MAMDC2: variants seen among roughly 807,000 people sequenced by gnomAD.
The protein encoded by MAMDC2 is MAM domain-containing protein 2.
MAMDC2 carries 57 observed loss-of-function variants against 89.8 expected under a neutral mutation model. The observed-to-expected ratio is 0.63, with a 90% CI of 0.51 to 0.79. MAMDC2 has a LOEUF of 0.79. Ranked by LOEUF, MAMDC2 falls within the 30% of genes least tolerant of loss-of-function variation. MAMDC2 has a pLI of 0.00. For missense variants in MAMDC2, 800 were observed against 820.6 expected (o/e 0.97, Z 0.31); for synonymous variants, 313 against 293.4 (o/e 1.07, Z -0.68).
At chr9:70,097,095 ACT>A (rs1348763313) in intron 2 of MAMDC2, among the ~76,000 whole-genome samples, 3 of 151,962 alleles carry the variant, frequency 2.0e-5, no homozygotes, top group African/African-American at 4.8e-5. Flanking sequence ...CAATAGTGAC[ACT>A]CTATTCAGGG....
At chr9:70,113,461 T>C (rs1828564000) in intron 5 of MAMDC2, among the ~76,000 whole-genome samples, 1 of 152,216 alleles carries the variant, frequency 6.6e-6, no homozygotes, top group Non-Finnish European at 1.5e-5. Context: ...ATATTTCTCA[T>C]TTCTAAAGAC....
At chr9:70,204,813 G>A (rs1290120788) in intron 11 of MAMDC2, among the ~76,000 whole-genome samples, 2 of 152,166 alleles carry the variant, frequency 1.3e-5, no homozygotes, top group African/African-American at 2.4e-5. Context: ...GGAGTGACCC[G>A]ATTTTCCAGG....
intron 2 of MAMDC2, among the ~76,000 whole-genome samples, chr9:70,079,929 A>C (rs960738953): frequency 2.0e-5 from 3 of 152,166 alleles, no homozygotes; most frequent in Non-Finnish European, 4.4e-5. Flanking sequence ...GTCTGCAAAC[A>C]GAGCTTCTTG....
In MAMDC2 at chr9:70,131,534, G is replaced by A; in HGVS notation, c.916G>A (p.Ala306Thr). 6.3e-7 allele frequency: 1 copy of A among 1,599,216 alleles called. No homozygotes were observed. Among genetic ancestry groups the A allele is most frequent in the Non-Finnish European group, 8.5e-7 (1 of 1,176,368 alleles). Residue 306 changes from alanine to threonine, a missense_variant, in exon 7 of 14, where the codon GCT becomes ACT. Ala to Thr is a moderately conservative substitution (Grantham distance 58). Coordinates refer to ENST00000377182, the MANE Select transcript of MAMDC2 (RefSeq NM_153267.5). ...PYPMEVIFEV[A>T]FNGPKGGYVA... is the part of the protein sequence containing the mutation. ...TCCTCTGCAGGTTATTTTTGAAGTT[G>A]CTTTCAATGGTCCCAAGGGAGGTTA...
At chr9:70,214,333 G>C (rs566243172) in intron 11 of MAMDC2, among the ~76,000 whole-genome samples, 4 of 152,154 alleles carry the variant, frequency 2.6e-5, no homozygotes, top group Non-Finnish European at 5.9e-5. Flanking sequence ...AGAATATCTA[G>C]AGGAAGAACC....
intron 9 of MAMDC2, among the ~76,000 whole-genome samples, chr9:70,167,129 A>G (rs1004032802): frequency 1.3e-5 from 2 of 152,202 alleles, no homozygotes; most frequent in African/African-American, 4.8e-5. Flanking sequence ...TAACAGAAGT[A>G]AACGAGAAAA....
At chr9:70,200,242 AG>A in intron 11 of MAMDC2, among the ~76,000 whole-genome samples, 2 of 151,656 alleles carry the variant, frequency 1.3e-5, no homozygotes, top group South Asian at 2.1e-4. Flanking sequence ...GGTGTAAGGA[AG>A]GGATCCAGTT....
At chr9:70,095,698 T>C (rs1226062130) in intron 2 of MAMDC2, among the ~76,000 whole-genome samples, 1 of 152,186 alleles carries the variant, frequency 6.6e-6, no homozygotes, top group Admixed American at 6.5e-5. Flanking sequence ...GACTTGGGAA[T>C]TACCTCTGTA....
intron 2 of MAMDC2, among the ~76,000 whole-genome samples, chr9:70,052,105 A>G (rs1404788450): frequency 1.3e-5 from 2 of 152,188 alleles, no homozygotes; most frequent in Non-Finnish European, 2.9e-5. Flanking sequence ...ACACACACTA[A>G]CAGACTCCCT....
chr9:70,139,749 T>G (rs540387598), intron 7 of MAMDC2, among the ~76,000 whole-genome samples: 48 of 152,288 alleles, frequency 3.2e-4, no homozygotes, highest in African/African-American at 1.0e-3. Context: ...AGTGTAAAAG[T>G]GTTCCTGTTT....
At chr9:70,209,736 A>G (rs1296934180) in intron 11 of MAMDC2, among the ~76,000 whole-genome samples, 1 of 152,042 alleles carries the variant, frequency 6.6e-6, no homozygotes, top group Non-Finnish European at 1.5e-5. Flanking sequence ...TAGGGTGTCA[A>G]TTTTAGATCT....
chr9:70,044,321 G>C (rs960320539), intron 1 of MAMDC2, 90 bp downstream of exon 1: 38 of 1,431,918 alleles, frequency 2.7e-5, no homozygotes, highest in Non-Finnish European at 3.7e-5. Flanking sequence ...CACCGTGCTG[G>C]GCTGGGCCAT....
chr9:70,140,359 C>A lies in MAMDC2; in HGVS notation c.1138+71C>A, dbSNP rs573636222. 76 of 1,463,390 alleles carry A rather than the reference C, an allele frequency of 5.2e-5. No homozygotes were observed. The South Asian group carries it at 9.9e-4, about 19-fold the overall frequency. 90.7% of individuals were successfully genotyped at this position (1,463,390 alleles called of 1,614,324 possible). On this transcript the variant is annotated intron_variant, in intron 8 of 13. Coordinates refer to ENST00000377182, the MANE Select transcript of MAMDC2 (RefSeq NM_153267.5). Reference sequence around the variant, plus strand: ...AGCTTTATTGGCCATTCCTACTTCACACCTGCAAAGACATCGACTTAAAGA... The same window carrying A: ...AGCTTTATTGGCCATTCCTACTTCAAACCTGCAAAGACATCGACTTAAAGA...
Position 70,043,980 on chromosome 9 carries a change from G to A in MAMDC2, c.-218G>A, listed in dbSNP as rs1214448796. 33 of 608,846 alleles carry A rather than the reference G, an allele frequency of 5.4e-5. No individual in the cohort carries two copies. Among genetic ancestry groups the A allele is most frequent in the Admixed American group, 1.8e-4 (6 of 33,996 alleles). 37.7% of individuals were successfully genotyped at this position (608,846 alleles called of 1,614,324 possible). On this transcript the variant is annotated 5_prime_UTR_variant, in exon 1 of 14. Transcript: ENST00000377182. Reference sequence around the variant, plus strand: ...TGAGGCTGCTGCTCAGCGCCGGGGCGCTGGCGCTCTCCATTCGAGCACCTT... The same window carrying A: ...TGAGGCTGCTGCTCAGCGCCGGGGCACTGGCGCTCTCCATTCGAGCACCTT...
intron 2 of MAMDC2, among the ~76,000 whole-genome samples, chr9:70,068,580 A>T (rs1311653820): frequency 6.6e-6 from 1 of 151,976 alleles, no homozygotes; most frequent in Non-Finnish European, 1.5e-5. Context: ...ACAACAAATT[A>T]GCCGGGCGTG....
intron 6 of MAMDC2, among the ~76,000 whole-genome samples, chr9:70,130,008 C>CTGTGTGTG (rs71364580): frequency 0.058 from 8,546 of 147,070 alleles, 276 homozygotes; most frequent in African/African-American, 0.088. Context: ...ACATGGCATT[C>CTGTGTGTG]TGTGTGTGTG....
chr9:70,104,687 A>G (rs1484091098), intron 2 of MAMDC2, among the ~76,000 whole-genome samples: 1 of 152,228 alleles, frequency 6.6e-6, no homozygotes, highest in East Asian at 1.9e-4. Flanking sequence ...CTAGTCACAA[A>G]GGGACACATA....
intron 5 of MAMDC2, among the ~76,000 whole-genome samples, chr9:70,120,058 G>T (rs554335334): frequency 6.6e-6 from 1 of 152,120 alleles, no homozygotes; most frequent in Admixed American, 6.5e-5. Flanking sequence ...TGGAATTACC[G>T]CACTGGTAGG....
Position 70,168,732 on chromosome 9 carries a change from T to C in MAMDC2, c.1435T>C (p.Trp479Arg). The C allele has an allele frequency of 1.2e-6, 2 of 1,614,068 alleles. No individual in the cohort carries two copies. Among genetic ancestry groups the C allele is most frequent in the South Asian group, 2.2e-5 (2 of 91,078 alleles). Residue 479 changes from tryptophan to arginine, a missense_variant, in exon 10 of 14, where the codon TGG becomes CGG. Trp to Arg is a moderately radical substitution (Grantham distance 101, BLOSUM62 -3). Coordinates refer to ENST00000377182, the MANE Select transcript of MAMDC2 (RefSeq NM_153267.5). ...VVFMSLCKSF[W>R]DCGLVALDDI... ...TTTCATGAGCCTATGCAAAAGTTTC[T>C]GGGACTGTGGGCTTGTAGCCCTGGA... is the stretch of plus-strand genomic sequence containing the variant.
Sources: allele counts gnomAD v4.1 joint callset (sites outside exome capture counted in the v4.1 genomes callset), GRCh38; gene constraint gnomAD v4.1.1; transcripts MANE v1.5; gene names NCBI Gene and HGNC (gene_info 2026-07-23, HGNC 2026-07-21).